The following MRPL30 variants were observed in gnomAD, a reference collection of about 807,000 sequenced individuals.
The protein encoded by MRPL30 is large ribosomal subunit protein uL30m.
A neutral mutation model predicts 17.2 loss-of-function variants in MRPL30; 10 were observed. The observed-to-expected ratio is 0.58, with a 90% CI of 0.36 to 0.99. The LOEUF is 0.99. Ranked by LOEUF, MRPL30 falls within the 50% of genes least tolerant of loss-of-function variation. The pLI is 0.01. For synonymous variants in MRPL30, 61 were observed against 62.1 expected (o/e 0.98, Z 0.08); for missense variants, 170 against 189.8 (o/e 0.90, Z 0.61).
At position 99,197,122 on chromosome 2, in the gene MRPL30, G is replaced by C. The variant is rs1414219432; in HGVS notation, c.*1417G>C. ...AGAAGAAGGAGGCGGAAATCTCTCA[G>C]GGAGAATTATTTCCTTTCTTTTCTA... is the stretch of plus-strand genomic sequence containing the variant. On this transcript the variant is annotated 3_prime_UTR_variant, in exon 6 of 6. Transcript: ENST00000338148. 1 of 152,150 alleles carries C rather than the reference G, an allele frequency of 6.6e-6. No homozygotes were observed. The highest frequency in any genetic ancestry group is 1.5e-5 in the Non-Finnish European group (1 of 68,032). 9.4% of individuals were successfully genotyped at this position (152,150 alleles called of 1,614,324 possible). A position where few individuals can be genotyped will look rare whatever the true frequency, so the allele number is the denominator to read the frequency against.
chr2:99,190,475 A>T (rs975010107), intron 3 of MRPL30, among the ~76,000 whole-genome samples: 1 of 151,960 alleles, frequency 6.6e-6, no homozygotes, highest in Middle Eastern at 3.5e-3. Context: ...TGAGAGGATC[A>T]CTTTAGCAAG....
rs954733682 is a variant in MRPL30 at position 99,195,609 on chromosome 2, AGAG to A, written c.394_396del (p.Glu132del). 1 of 1,610,774 alleles carries A rather than the reference AGAG, an allele frequency of 6.2e-7. No homozygotes were observed. The highest frequency in any genetic ancestry group is 1.3e-5 in the African/African-American group (1 of 74,692). On this transcript the variant is annotated inframe_deletion, in exon 6 of 6. Transcript: ENST00000338148. ...TGAAGTTGCCACAAGGACTTCCAGC[AGAG>A]GAGAACATGTCTAACACGTGCCTCA... is the stretch of plus-strand genomic sequence containing the variant.
Position 99,196,825 on chromosome 2 carries a change from T to G in MRPL30, c.*1120T>G, listed in dbSNP as rs187190562. ...GTGCTTTGGTGTCTATAAGTACATA[T>G]GTGGATATGGGTTCATTTTATCCCT... On this transcript the variant is annotated 3_prime_UTR_variant, in exon 6 of 6. Transcript: ENST00000338148. 1 of 152,214 alleles carries G rather than the reference T, an allele frequency of 6.6e-6. No homozygotes were observed. The highest frequency in any genetic ancestry group is 1.5e-5 in the Non-Finnish European group (1 of 68,038). 9.4% of individuals were successfully genotyped at this position (152,214 alleles called of 1,614,324 possible).
At chr2:99,185,407 A>T (rs1481826515) in intron 1 of MRPL30, among the ~76,000 whole-genome samples, 1 of 152,202 alleles carries the variant, frequency 6.6e-6, no homozygotes, top group African/African-American at 2.4e-5. Flanking sequence ...TTTGCAAGAC[A>T]GGTATTTTCT....
chr2:99,193,527 C>G (rs1482743553), intron 3 of MRPL30, among the ~76,000 whole-genome samples: 1 of 151,738 alleles, frequency 6.6e-6, no homozygotes, highest in African/African-American at 2.4e-5. Context: ...TTATATGAGT[C>G]TTAGAAACAG....
intron 3 of MRPL30, among the ~76,000 whole-genome samples, chr2:99,194,002 C>T (rs2093951164): frequency 6.7e-6 from 1 of 149,006 alleles, no homozygotes. Context: ...CGTGCCATTG[C>T]ACTCCAGCCT....
chr2:99,195,853 G>A lies in MRPL30; in HGVS notation c.*148G>A, dbSNP rs539643937. On this transcript the variant is annotated 3_prime_UTR_variant, in exon 6 of 6. Transcript: ENST00000338148. Reference sequence around the variant, plus strand: ...TCCCAGCACTTTGGGAGGCCAAGGCGGGCAGATCACCTGAGGTCAAGAGTT... The same window carrying A: ...TCCCAGCACTTTGGGAGGCCAAGGCAGGCAGATCACCTGAGGTCAAGAGTT... 7.8e-5 allele frequency: 89 copies of A among 1,139,748 alleles called. No homozygotes were observed. The highest frequency in any genetic ancestry group is 4.2e-4 in the African/African-American group (26 of 62,466). 70.6% of individuals were successfully genotyped at this position (1,139,748 alleles called of 1,614,324 possible).
rs370902287 is a variant in MRPL30 at position 99,195,596 on chromosome 2, A to G, written c.377A>G (p.Gln126Arg). ...LIRIKPLKLP[Q>R]GLPAEENMSN... ...AGAATCAAGCCCTTGAAGTTGCCAC[A>G]AGGACTTCCAGCAGAGGAGAACATG... is the stretch of plus-strand genomic sequence containing the variant. Residue 126 changes from glutamine (Q) to arginine (R), a missense_variant, in exon 6 of 6, where the codon CAA becomes CGA. Gln to Arg is a conservative substitution (Grantham distance 43, BLOSUM62 1). Coordinates refer to ENST00000338148, the MANE Select transcript of MRPL30 (RefSeq NM_145212.4). 28 of 1,607,382 alleles carry G rather than the reference A, an allele frequency of 1.7e-5. No individual in the cohort carries two copies. The African/African-American group carries it at 3.4e-4, about 19-fold the overall frequency.
rs2093958349 is a variant in MRPL30, at chr2:99,198,328, C to T, written c.*2623C>T. Among the ~76,000 whole-genome samples the T allele has an allele frequency of 6.6e-6, 1 of 152,152 alleles. No individual in the cohort carries two copies. The highest frequency in any genetic ancestry group is 1.5e-5 in the Non-Finnish European group (1 of 68,012). ...GGCCAGGTGCTCATTGTAGCTTTGA[C>T]AGGGAAGGGATCTGCTCCCAAGCAC... On this transcript the variant is annotated 3_prime_UTR_variant, in exon 6 of 6. Transcript: ENST00000338148.
At chr2:99,189,874 C>T (rs890712427) in intron 3 of MRPL30, among the ~76,000 whole-genome samples, 2 of 151,848 alleles carry the variant, frequency 1.3e-5, no homozygotes, top group African/African-American at 4.8e-5. Flanking sequence ...ATCTCCAGAA[C>T]TCTTTTCATC....
intron 2 of MRPL30, among the ~76,000 whole-genome samples, chr2:99,187,555 G>A (rs756489244): frequency 6.6e-6 from 1 of 152,182 alleles, no homozygotes; most frequent in African/African-American, 2.4e-5. Context: ...GCTGGGCGCG[G>A]TGGCTCACGC....
chr2:99,195,254 C>A, intron 5 of MRPL30, 65 bp downstream of exon 5: 1 of 1,423,468 alleles, frequency 7.0e-7, no homozygotes, highest in South Asian at 1.3e-5. Context: ...ATGCATTTTT[C>A]TTTTTTCGTT....
intron 3 of MRPL30, 102 bp from the exon 4 acceptor site, chr2:99,194,649 T>C: frequency 1.0e-6 from 1 of 960,012 alleles, no homozygotes; most frequent in Non-Finnish European, 1.6e-6. Context: ...GATGAGGTAA[T>C]TATGTAGTTG....
At chr2:99,190,464 A>G (rs550313994) in intron 3 of MRPL30, among the ~76,000 whole-genome samples, 3 of 152,024 alleles carry the variant, frequency 2.0e-5, no homozygotes, top group South Asian at 4.2e-4. Context: ...GGAGGCTGAG[A>G]TGAGAGGATC....
intron 3 of MRPL30, among the ~76,000 whole-genome samples, chr2:99,188,710 A>AT (rs1402539682): frequency 4.0e-5 from 6 of 151,704 alleles, no homozygotes; most frequent in Admixed American, 1.3e-4. Flanking sequence ...TTTGTTTAAA[A>AT]TTTTTTTTTA....
At chr2:99,183,885 C>G (rs1269869395) in intron 1 of MRPL30, among the ~76,000 whole-genome samples, 1 of 152,170 alleles carries the variant, frequency 6.6e-6, no homozygotes, top group African/African-American at 2.4e-5. Flanking sequence ...GTCATGACTT[C>G]TTCCTTAGGC....
At position 99,185,982 on chromosome 2, in the gene MRPL30, T is replaced by A. The variant is rs895520599; in HGVS notation, c.-27-195T>A. On this transcript the variant is annotated intron_variant, in intron 1 of 5. Transcript: ENST00000338148. ...TTTGATGAAAGTGGGATGTGGCTAA[T>A]GTGTATAATTACTACCTGTGGTTGA... is the stretch of plus-strand genomic sequence containing the variant. 7.9e-5 allele frequency among the ~76,000 whole-genome samples: 12 copies of A among 152,394 alleles called. 1 individual carries two copies. In the East Asian group the frequency reaches 1.3e-3, roughly 17 times the overall value.
rs879810502 is a variant in MRPL30 at position 99,196,096 on chromosome 2, A to AT, written c.*400dup. 39 of 181,482 alleles carry AT rather than the reference A, an allele frequency of 2.1e-4. No individual in the cohort carries two copies. The highest frequency in any genetic ancestry group is 3.1e-4 in the Non-Finnish European group (27 of 87,662). The allele number at this position is 181,482 out of a possible 1,614,324, so 11.2% of individuals were successfully genotyped here. Reference sequence around the variant, plus strand: ...ACTCCATCTCAGGGGAAAAAAAAAAATTTTTTTTTCACTGACTAAACCTGC... The same window carrying AT: ...ACTCCATCTCAGGGGAAAAAAAAAAATTTTTTTTTTCACTGACTAAACCTGC... On this transcript the variant is annotated 3_prime_UTR_variant, in exon 6 of 6. Coordinates refer to ENST00000338148, the MANE Select transcript of MRPL30 (RefSeq NM_145212.4).
chr2:99,192,597 G>A (rs888807593), intron 3 of MRPL30, among the ~76,000 whole-genome samples: 3 of 152,126 alleles, frequency 2.0e-5, no homozygotes, highest in African/African-American at 7.2e-5. Context: ...AGTATTCCAT[G>A]GTGTATATGT....
Sources: allele counts gnomAD v4.1 joint callset (sites outside exome capture counted in the v4.1 genomes callset), GRCh38; gene constraint gnomAD v4.1.1; transcripts MANE v1.5; gene names NCBI Gene and HGNC (gene_info 2026-07-23, HGNC 2026-07-21).